SDCBP: variants seen among roughly 807,000 people sequenced by gnomAD.
SDCBP encodes the protein syntenin-1.
Under a neutral mutation model 30.5 loss-of-function variants are expected in SDCBP, and 22 were observed. The ratio of observed to expected loss-of-function variants is 0.72; its 90% CI spans 0.52 to 1.03. SDCBP has a LOEUF of 1.03. Among genes scored for constraint, SDCBP ranks in the 50% least tolerant of loss-of-function variants. SDCBP has a pLI of 0.00. For synonymous variants in SDCBP, 103 were observed against 118.7 expected (o/e 0.87, Z 0.86); for missense variants, 304 against 369.9 (o/e 0.82, Z 1.46).
At chr8:58,573,094 C>T (rs1805123376) in intron 4 of SDCBP, among the ~76,000 whole-genome samples, 1 of 152,126 alleles carries the variant, frequency 6.6e-6, no homozygotes, top group African/African-American at 2.4e-5. Flanking sequence ...AGGCATGAGC[C>T]ACTGTGCCTG....
intron 1 of SDCBP, chr8:58,560,680 A>G (rs947990765): frequency 1.3e-5 from 2 of 152,260 alleles, no homozygotes; most frequent in African/African-American, 4.8e-5. Context: ...CATCTTGAGA[A>G]TTTATACACA....
At chr8:58,580,444 C>T (rs1364593497) in intron 7 of SDCBP, 73 bp from the exon 8 acceptor site, 5 of 762,744 alleles carry the variant, frequency 6.6e-6, no homozygotes, top group South Asian at 1.5e-5. Flanking sequence ...ATTTCTTTAC[C>T]AAGACTGGCA....
At chr8:58,566,666 TG>T (rs1360591373) in intron 2 of SDCBP, among the ~76,000 whole-genome samples, 3 of 152,202 alleles carry the variant, frequency 2.0e-5, no homozygotes, top group Non-Finnish European at 4.4e-5. Flanking sequence ...TGGCTGTTTT[TG>T]TTTTGTTTTG....
chr8:58,570,678 C>A, intron 2 of SDCBP: 1 of 468,932 alleles, frequency 2.1e-6, no homozygotes, highest in Non-Finnish European at 3.8e-6. Context: ...TTTGTGATAG[C>A]CTTAAAAGTA....
intron 2 of SDCBP, among the ~76,000 whole-genome samples, chr8:58,565,566 T>C (rs1563507600): frequency 6.6e-6 from 1 of 152,116 alleles, no homozygotes; most frequent in Non-Finnish European, 1.5e-5. Flanking sequence ...TTTCTTTCCT[T>C]TGAGAGATGA....
At chr8:58,577,348 G>T (rs1360511083) in intron 5 of SDCBP, among the ~76,000 whole-genome samples, 1 of 152,160 alleles carries the variant, frequency 6.6e-6, no homozygotes, top group Non-Finnish European at 1.5e-5. Flanking sequence ...TTCAACTTCT[G>T]ATTGAGATTT....
intron 1 of SDCBP, among the ~76,000 whole-genome samples, chr8:58,562,954 A>G (rs906165263): frequency 2.0e-5 from 3 of 152,178 alleles, no homozygotes; most frequent in African/African-American, 7.2e-5. Flanking sequence ...TATGGTCTGA[A>G]TGTTTGTGAC....
chr8:58,580,178 T>C (rs533458765), intron 7 of SDCBP, among the ~76,000 whole-genome samples: 4 of 152,342 alleles, frequency 2.6e-5, no homozygotes, highest in African/African-American at 9.6e-5. Flanking sequence ...AATAAGTCTG[T>C]CTTAAGGTCA....
At chr8:58,554,211 T>C (rs982509284) in intron 1 of SDCBP, among the ~76,000 whole-genome samples, 1 of 152,212 alleles carries the variant, frequency 6.6e-6, no homozygotes, top group African/African-American at 2.4e-5. Flanking sequence ...CTTACCAAAC[T>C]CTTAACATCC....
rs1037793250 is a variant in SDCBP, at chr8:58,582,631, T to G, written c.*891T>G. 1 of 152,548 alleles carries G rather than the reference T, an allele frequency of 6.6e-6. No individual in the cohort carries two copies. The highest frequency in any genetic ancestry group is 1.5e-5 in the Non-Finnish European group (1 of 68,022). 9.4% of individuals were successfully genotyped at this position (152,548 alleles called of 1,614,324 possible). On this transcript the variant is annotated 3_prime_UTR_variant, in exon 9 of 9. Coordinates refer to ENST00000260130, the MANE Select transcript of SDCBP (RefSeq NM_005625.4). ...AACTTTTGACTCCCCTTTTGTTCAT[T>G]TGTGGATTAAGTGGTATAATACTTA...
At chr8:58,573,745 T>A (rs987707005) in intron 4 of SDCBP, among the ~76,000 whole-genome samples, 6 of 152,062 alleles carry the variant, frequency 3.9e-5, no homozygotes, top group Admixed American at 2.6e-4. Context: ...CAAACGAAAT[T>A]ATAATTTGCA....
intron 4 of SDCBP, among the ~76,000 whole-genome samples, chr8:58,574,119 A>G (rs1481692209): frequency 6.6e-6 from 1 of 152,172 alleles, no homozygotes; most frequent in Non-Finnish European, 1.5e-5. Context: ...ACCCTTCAAT[A>G]TAAATGAAGT....
intron 2 of SDCBP, among the ~76,000 whole-genome samples, chr8:58,566,741 TCTC>T (rs1473959773): frequency 6.6e-6 from 1 of 152,202 alleles, no homozygotes; most frequent in Non-Finnish European, 1.5e-5. Context: ...TTCTTAAGAT[TCTC>T]CTGAAACGGT....
intron 1 of SDCBP, among the ~76,000 whole-genome samples, chr8:58,563,181 C>A (rs1585684372): frequency 6.6e-6 from 1 of 152,202 alleles, no homozygotes; most frequent in Middle Eastern, 3.4e-3. Context: ...GTGCAAATAA[C>A]CCAAATGTCA....
chr8:58,554,390 T>C (rs1398279762), intron 1 of SDCBP, among the ~76,000 whole-genome samples: 1 of 152,242 alleles, frequency 6.6e-6, no homozygotes, highest in Non-Finnish European at 1.5e-5. Flanking sequence ...CGGTAGAAAA[T>C]ACGTCCTTTT....
chr8:58,577,123 C>G (rs1322308956), intron 5 of SDCBP, among the ~76,000 whole-genome samples: 2 of 152,222 alleles, frequency 1.3e-5, no homozygotes, highest in African/African-American at 4.8e-5. Flanking sequence ...TTCATAGGCC[C>G]CTTGGCCCCA....
intron 1 of SDCBP, among the ~76,000 whole-genome samples, chr8:58,559,685 G>A (rs1250760261): frequency 6.6e-6 from 1 of 152,090 alleles, no homozygotes; most frequent in Non-Finnish European, 1.5e-5. Flanking sequence ...TGTAATAGCA[G>A]CAAGAAGGTG....
chr8:58,567,131 C>CA, intron 2 of SDCBP, among the ~76,000 whole-genome samples: 1 of 152,254 alleles, frequency 6.6e-6, no homozygotes, highest in East Asian at 1.9e-4. Context: ...ACCCCAACCC[C>CA]TTTTTTTAGT....
intron 1 of SDCBP, among the ~76,000 whole-genome samples, chr8:58,554,405 T>A (rs979424067): frequency 6.6e-6 from 1 of 152,228 alleles, no homozygotes; most frequent in Non-Finnish European, 1.5e-5. Flanking sequence ...CCTTTTGTCT[T>A]CTGTGTTACC....
Sources: gnomAD v4.1 joint callset for allele counts (sites outside exome capture counted in the v4.1 genomes callset) on GRCh38, gnomAD v4.1.1 for gene constraint, MANE v1.5 for transcripts, NCBI Gene and HGNC (gene_info 2026-07-23, HGNC 2026-07-21) for gene names.